The following DISP2 variants were observed in gnomAD, a reference collection of about 807,000 sequenced individuals.
DISP2 encodes protein dispatched homolog 2.
In DISP2, 59 loss-of-function variants were observed where a neutral mutation model predicts 95.5. That is an observed-to-expected ratio of 0.62 (90% CI 0.50 to 0.77). DISP2 has a LOEUF of 0.77. Ranked by LOEUF, DISP2 falls within the 30% of genes least tolerant of loss-of-function variation. The pLI is 0.00. For missense variants in DISP2, 1,752 were observed against 1,854.6 expected (o/e 0.94, Z 1.02); for synonymous variants, 827 against 815.0 (o/e 1.01, Z -0.25).
chr15:40,369,401 T>C lies in DISP2; in HGVS notation c.3289T>C (p.Cys1097Arg). The change falls in exon 8 of 8, where the codon TGC becomes CGC. Residue 1097 changes from cysteine to arginine, a missense_variant. This residue lies in a region of DISP2 where 317 missense variants were observed against 394.9 expected (regional missense o/e 0.80). Coordinates refer to ENST00000267889, the MANE Select transcript of DISP2 (RefSeq NM_033510.3). ...KLGIILMMVK[C>R]VSCGFASFFF... ...GGGCATCATCCTCATGATGGTCAAA[T>C]GCGTCAGTTGTGGCTTTGCCAGCTT... 1 of 1,613,634 alleles carries C rather than the reference T, an allele frequency of 6.2e-7. No homozygotes were observed. Among genetic ancestry groups the C allele is most frequent in the Non-Finnish European group, 8.5e-7 (1 of 1,180,022 alleles).
chr15:40,363,997 G>T lies in DISP2; in HGVS notation c.449+43G>T, dbSNP rs778081583. On this transcript the variant is annotated intron_variant, in intron 2 of 7. Coordinates refer to ENST00000267889, the MANE Select transcript of DISP2 (RefSeq NM_033510.3). ...AGCCTGCCAGCTGCCACTGGAAAATGCGGTGGGGCTTAAGAGTGGGGCAGA... is the reference window on the plus strand; with the variant it reads ...AGCCTGCCAGCTGCCACTGGAAAATTCGGTGGGGCTTAAGAGTGGGGCAGA... The T allele has an allele frequency of 2.0e-6, 3 of 1,512,128 alleles. No homozygotes were observed. The South Asian group carries it at 3.9e-5, about 20-fold the overall frequency. 93.7% of individuals were successfully genotyped at this position (1,512,128 alleles called of 1,614,324 possible).
At position 40,364,961 on chromosome 15, in the gene DISP2, G is replaced by C; in HGVS notation, c.719+8G>C. ...AGACCTTGAGCTGAACAGGTAACAG[G>C]CTCTCATCTTTTCACTGTGGGTGGC... On this transcript the variant is annotated splice_region_variant and intron_variant, in intron 5 of 7. Transcript: ENST00000267889. 2 of 1,613,370 alleles carry C rather than the reference G, an allele frequency of 1.2e-6. No individual in the cohort carries two copies. Among genetic ancestry groups the C allele is most frequent in the African/African-American group, 1.3e-5 (1 of 74,984 alleles).
intron 3 of DISP2, 67 bp from the exon 4 acceptor site, chr15:40,364,354 G>A (rs932115422): frequency 3.0e-5 from 48 of 1,613,334 alleles, no homozygotes; most frequent in Non-Finnish European, 3.8e-5. Flanking sequence ...CCCCTTCTGG[G>A]TGGAGCCTGA....
intron 2 of DISP2, 80 bp downstream of exon 2, chr15:40,364,034 C>G: frequency 1.3e-6 from 2 of 1,492,394 alleles, no homozygotes; most frequent in Non-Finnish European, 1.8e-6. Flanking sequence ...TGCCGGGGCT[C>G]TAGACTCCTT....
chr15:40,359,489 T>C (rs1245056236), intron 1 of DISP2, among the ~76,000 whole-genome samples: 1 of 152,236 alleles, frequency 6.6e-6, no homozygotes, highest in Non-Finnish European at 1.5e-5. Flanking sequence ...AGGATGGGTG[T>C]ATTCACCAGT....
intron 6 of DISP2, 65 bp downstream of exon 6, chr15:40,365,339 C>G (rs183627328): frequency 1.9e-6 from 3 of 1,583,160 alleles, no homozygotes. Flanking sequence ...GTAGGACAGG[C>G]AGGCCCAGAA....
Position 40,364,504 on chromosome 15 carries a change from T to G in DISP2, c.563T>G (p.Leu188Arg), listed in dbSNP as rs755293586. 14 of 1,614,020 alleles carry G rather than the reference T, an allele frequency of 8.7e-6. 1 individual carries two copies. The South Asian group carries it at 1.3e-4, about 15-fold the overall frequency. The change falls in exon 4 of 8, where the codon CTG becomes CGG. Residue 188 changes from leucine (L) to arginine (R), a missense_variant. By Grantham distance (102) the Leu-to-Arg change is moderately radical (BLOSUM62 -2). This residue lies in a region of DISP2 where 342 missense variants were observed against 364.3 expected (regional missense o/e 0.94). Coordinates refer to ENST00000267889, the MANE Select transcript of DISP2 (RefSeq NM_033510.3). The stretch of plus-strand genomic sequence containing the variant: ...ATCTTCCTCTGCACCCTGGCTGGAC[T>G]GTTGGGGGCCCGGCTGCCCGACTTC... ...AVIFLCTLAG[L>R]LGARLPDFSK...
In DISP2 at chr15:40,369,597, A is replaced by G; in HGVS notation, c.3485A>G (p.Gln1162Arg). ...GGGATGCCCGGGTCCTGCTCAGAGC[A>G]ATATGAGCTACAGCCCCTGGCACGG... ...VGGMPGSCSE[Q>R]YELQPLARRR... The change falls in exon 8 of 8, where the codon CAA (glutamine) becomes CGA (arginine). Residue 1162 changes from glutamine (Q) to arginine (R), a missense_variant. Transcript: ENST00000267889. The G allele has an allele frequency of 5.0e-6, 8 of 1,611,694 alleles. No homozygotes were observed. The highest frequency in any genetic ancestry group is 6.8e-6 in the Non-Finnish European group (8 of 1,179,974).
At chr15:40,358,468 A>T (rs1000889865) in intron 1 of DISP2, 28 bp downstream of exon 1, 7 of 1,251,380 alleles carry the variant, frequency 5.6e-6, no homozygotes, top group Non-Finnish European at 7.0e-6. Flanking sequence ...GCAGATCCGT[A>T]TCACAGACCC....
In DISP2 at chr15:40,372,831, G is replaced by A. The variant is rs967286728; in HGVS notation, c.*2513G>A. 3 of 152,222 alleles carry A rather than the reference G, an allele frequency of 2.0e-5. No individual in the cohort carries two copies. Among genetic ancestry groups the A allele is most frequent in the South Asian group, 4.1e-4 (2 of 4,828 alleles). 9.4% of individuals were successfully genotyped at this position (152,222 alleles called of 1,614,324 possible). A position where few individuals can be genotyped will look rare whatever the true frequency, so the allele number is the denominator to read the frequency against. On this transcript the variant is annotated 3_prime_UTR_variant, in exon 8 of 8. Transcript: ENST00000267889. ...TGAAATGTTAGAATGCAGAGGGGTGGATGGGTGGGCATGAGGGATCTGAGC... is the reference window on the plus strand; with the variant it reads ...TGAAATGTTAGAATGCAGAGGGGTGAATGGGTGGGCATGAGGGATCTGAGC...
chr15:40,367,972 C>G lies in DISP2; in HGVS notation c.1860C>G (p.Leu620=), dbSNP rs1476873370. ...TGCCGGCCGTTCGCTGCCTCGCCCT[C>G]TTCATGGGCACGGCTGTGCTGGTGC... is the stretch of plus-strand genomic sequence containing the variant. ...SRLPAVRCLA[L]FMGTAVLVHL... is the part of the protein sequence containing the mutation. Residue 620 remains leucine, a synonymous_variant, in exon 8 of 8, where the codon CTC becomes CTG. Coordinates refer to ENST00000267889, the MANE Select transcript of DISP2 (RefSeq NM_033510.3). The G allele has an allele frequency of 1.9e-6, 3 of 1,564,506 alleles. No homozygotes were observed. The highest frequency in any genetic ancestry group is 2.6e-6 in the Non-Finnish European group (3 of 1,163,050).
chr15:40,365,772 A>G, intron 7 of DISP2, 47 bp downstream of exon 7: 1 of 1,577,166 alleles, frequency 6.3e-7, no homozygotes, highest in Non-Finnish European at 8.7e-7. Flanking sequence ...AACTAAGGAC[A>G]TGAGGGAACT....
chr15:40,358,254 A>ACCGCCGCCG lies in DISP2; in HGVS notation c.-51_-43dup, dbSNP rs749138299. 2.3e-4 allele frequency: 240 copies of ACCGCCGCCG among 1,031,936 alleles called. No homozygotes were observed. The highest frequency in any genetic ancestry group is 1.2e-3 in the African/African-American group (66 of 53,902). The allele number at this position is 1,031,936 out of a possible 1,614,324, so 63.9% of individuals were successfully genotyped here. The stretch of plus-strand genomic sequence containing the variant: ...GCACCCCGCCGCCGCTGCCGCCGCC[A>ACCGCCGCCG]CCGCCGCCGCCGCCGCCGCCGCCGC... On this transcript the variant is annotated 5_prime_UTR_variant, in exon 1 of 8. Transcript: ENST00000267889.
chr15:40,364,157 C>G (rs1271918341), intron 2 of DISP2, 69 bp from the exon 3 acceptor site: 6 of 1,608,328 alleles, frequency 3.7e-6, no homozygotes, highest in Non-Finnish European at 5.1e-6. Flanking sequence ...CCCACCCCAC[C>G]TCCACCCCCA....
chr15:40,359,101 G>C lies in DISP2; in HGVS notation c.119+661G>C, dbSNP rs1453602633. On this transcript the variant is annotated intron_variant, in intron 1 of 7. Coordinates refer to ENST00000267889, the MANE Select transcript of DISP2 (RefSeq NM_033510.3). ...GGTGGGACAGGAGGGACACCTTCCT[G>C]CTGAGGGCCCAGATCTCAGCACCTC... Among the ~76,000 whole-genome samples, 4 of 152,322 alleles carry C rather than the reference G, an allele frequency of 2.6e-5. No individual in the cohort carries two copies. The East Asian group carries it at 7.7e-4, about 29-fold the overall frequency.
Position 40,369,740 on chromosome 15 carries a change from G to A in DISP2, c.3628G>A (p.Ala1210Thr). 6.2e-7 allele frequency: 1 copy of A among 1,609,424 alleles called. No individual in the cohort carries two copies. The highest frequency in any genetic ancestry group is 8.5e-7 in the Non-Finnish European group (1 of 1,179,284). ...TCCGTGCTGTTCCCGGCCCCCACCA[G>A]CCCCTGCCTCCCCAAGGGAGCTGCT... Reference protein sequence around the residue: ...DGPCCSRPPPAPASPRELLLD... With the variant: ...DGPCCSRPPPTPASPRELLLD... The change falls in exon 8 of 8, where the codon GCC (alanine) becomes ACC (threonine). Residue 1210 changes from alanine (A) to threonine (T), a missense_variant. Ala to Thr is a moderately conservative substitution (Grantham distance 58, BLOSUM62 0). This residue lies in a region of DISP2 where 347 missense variants were observed against 344.2 expected (regional missense o/e 1.01). Coordinates refer to ENST00000267889, the MANE Select transcript of DISP2 (RefSeq NM_033510.3).
At position 40,365,659 on chromosome 15, in the gene DISP2, C is replaced by T. The variant is rs760167129; in HGVS notation, c.879C>T (p.Ser293=). ...GCTATGCAAAGCTGGTGTTCATGTC[C>T]ACCTCCTCGGGCAGCCTATGGAACC... ...EKSYAKLVFM[S]TSSGSLWNLH... The change falls in exon 7 of 8, where the codon TCC becomes TCT. Residue 293 remains serine, a synonymous_variant. Transcript: ENST00000267889. The T allele has an allele frequency of 9.9e-6, 16 of 1,614,126 alleles. No homozygotes were observed. Among genetic ancestry groups the T allele is most frequent in the South Asian group, 8.8e-5 (8 of 91,086 alleles).
In DISP2 at chr15:40,378,540, A is replaced by G. The variant is rs1180810959; in HGVS notation, c.*8222A>G. On this transcript the variant is annotated 3_prime_UTR_variant, in exon 8 of 8. Coordinates refer to ENST00000267889, the MANE Select transcript of DISP2 (RefSeq NM_033510.3). ...GTTAAAATTGTACTGAAACAAAACC[A>G]TTGGGGGAAACTGGGTAAAGAGTCC... 2.0e-5 allele frequency: 3 copies of G among 152,212 alleles called. No homozygotes were observed. Among genetic ancestry groups the G allele is most frequent in the African/African-American group, 7.2e-5 (3 of 41,448 alleles). The allele number at this position is 152,212 out of a possible 1,614,324, so 9.4% of individuals were successfully genotyped here.
In DISP2 at chr15:40,368,235, G is replaced by T; in HGVS notation, c.2123G>T (p.Cys708Phe). Residue 708 changes from cysteine to phenylalanine, a missense_variant, in exon 8 of 8, where the codon TGC (cysteine) becomes TTC (phenylalanine). Around this residue, in one of 5 missense-constraint regions of DISP2, gnomAD observed 732 missense variants for 714.6 expected, o/e 1.02. Coordinates refer to ENST00000267889, the MANE Select transcript of DISP2 (RefSeq NM_033510.3). ...GVIKFRYIWI[C>F]WFAALAAGGA... ...ATCAAGTTCCGCTACATCTGGATCT[G>T]CTGGTTCGCAGCACTGGCGGCAGGG... 6.2e-7 allele frequency: 1 copy of T among 1,610,762 alleles called. No individual in the cohort carries two copies. The highest frequency in any genetic ancestry group is 8.5e-7 in the Non-Finnish European group (1 of 1,179,140).
Sources: gnomAD v4.1 joint callset for allele counts (sites outside exome capture counted in the v4.1 genomes callset) on GRCh38, gnomAD v4.1.1 for gene constraint, gnomAD v4.1.1 regional missense constraint, MANE v1.5 for transcripts, NCBI Gene and HGNC (gene_info 2026-07-23, HGNC 2026-07-21) for gene names.